GLIS3: variants seen among roughly 807,000 people sequenced by gnomAD.
GLIS3 encodes zinc finger protein GLIS3.
Under a neutral mutation model 78.6 loss-of-function variants are expected in GLIS3, and 53 were observed. The ratio of observed to expected loss-of-function variants is 0.67; its 90% CI spans 0.54 to 0.85. The LOEUF (loss-of-function observed/expected upper bound fraction) is 0.85. GLIS3 is among the 40% of genes least tolerant of loss of function. GLIS3 has a pLI of 0.00. For synonymous variants in GLIS3, 684 were observed against 509.9 expected (o/e 1.34, Z -4.60); for missense variants, 1,703 against 1,231.1 (o/e 1.38, Z -5.74).
chr9:4,261,087 A>G (rs1171038830), intron 2 of GLIS3, among the ~76,000 whole-genome samples: 2 of 152,224 alleles, frequency 1.3e-5, no homozygotes, highest in Non-Finnish European at 2.9e-5. Context: ...AGTACAAGCT[A>G]ATCTTCCTAA....
intron 2 of GLIS3, among the ~76,000 whole-genome samples, chr9:4,132,331 G>T (rs976252132): frequency 6.6e-6 from 1 of 152,124 alleles, no homozygotes; most frequent in Non-Finnish European, 1.5e-5. Context: ...TCAAATTTCT[G>T]AACCTAGAGT....
At chr9:4,397,896 T>C in the GLIS3 span, among the ~76,000 whole-genome samples, 1 of 152,012 alleles carries the variant, frequency 6.6e-6, no homozygotes, top group Non-Finnish European at 1.5e-5. Flanking sequence ...AAACAACTTC[T>C]GAATATCTCT....
At chr9:4,211,858 G>A (rs1368306025) in intron 2 of GLIS3, among the ~76,000 whole-genome samples, 1 of 152,212 alleles carries the variant, frequency 6.6e-6, no homozygotes, top group Non-Finnish European at 1.5e-5. Context: ...ATGAAATACT[G>A]ATACATGCTA....
At chr9:4,334,461 T>G (rs116333668) in intron 2 of GLIS3, among the ~76,000 whole-genome samples, 6 of 152,166 alleles carry the variant, frequency 3.9e-5, no homozygotes, top group Non-Finnish European at 8.8e-5. Flanking sequence ...CCTGAAACAA[T>G]TGTAGTGCAA....
intron 2 of GLIS3, among the ~76,000 whole-genome samples, chr9:4,168,176 C>G (rs1324551264): frequency 6.6e-6 from 1 of 152,060 alleles, no homozygotes; most frequent in African/African-American, 2.4e-5. Flanking sequence ...TTCTCTCTCT[C>G]TTACACACAC....
At chr9:3,964,628 T>A (rs1177439410) in intron 4 of GLIS3, among the ~76,000 whole-genome samples, 1 of 152,204 alleles carries the variant, frequency 6.6e-6, no homozygotes, top group East Asian at 1.9e-4. Context: ...ATTTCTAAAT[T>A]TGCCTGTGTC....
chr9:3,999,239 A>C (rs1264870838), intron 4 of GLIS3, among the ~76,000 whole-genome samples: 1 of 152,154 alleles, frequency 6.6e-6, no homozygotes, highest in Non-Finnish European at 1.5e-5. Context: ...TACAACAAAT[A>C]ACTGATAGTG....
the GLIS3 span, among the ~76,000 whole-genome samples, chr9:4,365,294 G>T: frequency 1.3e-5 from 2 of 152,076 alleles, no homozygotes; most frequent in Admixed American, 6.5e-5. Flanking sequence ...TGGGTGCGGT[G>T]GCTCATGCCT....
At chr9:3,832,193 A>G (rs1478524001) in intron 9 of GLIS3, among the ~76,000 whole-genome samples, 4 of 150,020 alleles carry the variant, frequency 2.7e-5, no homozygotes, top group Non-Finnish European at 5.9e-5. Flanking sequence ...ACAATTTTAT[A>G]ATTAGCATTT....
At chr9:4,227,185 G>A (rs1350336938) in intron 2 of GLIS3, among the ~76,000 whole-genome samples, 1 of 151,656 alleles carries the variant, frequency 6.6e-6, no homozygotes, top group African/African-American at 2.4e-5. Flanking sequence ...AGCACCCCTA[G>A]TTTTCTCTTC....
At chr9:4,303,335 T>TTGCCA (rs1817142757), upstream of GLIS3, among the ~76,000 whole-genome samples, 2 of 151,926 alleles carry the variant, frequency 1.3e-5, no homozygotes, top group Non-Finnish European at 2.9e-5. Context: ...TGGAAAAAGT[T>TTGCCA]AGTGTTTGCC....
intron 4 of GLIS3, among the ~76,000 whole-genome samples, chr9:3,971,838 G>C (rs959620705): frequency 6.6e-6 from 1 of 152,192 alleles, no homozygotes; most frequent in African/African-American, 2.4e-5. Flanking sequence ...GAGTTGGAAA[G>C]AAAGGAGTTG....
the GLIS3 span, among the ~76,000 whole-genome samples, chr9:4,419,210 C>G: frequency 6.6e-6 from 1 of 152,196 alleles, no homozygotes. Context: ...GGGAGAAAGA[C>G]TCCACTAGGT....
chr9:4,078,228 A>G (rs541808581), intron 4 of GLIS3, among the ~76,000 whole-genome samples: 1 of 152,280 alleles, frequency 6.6e-6, no homozygotes, highest in South Asian at 2.1e-4. Context: ...TGCAAATATA[A>G]TATTATGTCA....
chr9:4,353,877 G>C, the GLIS3 span, among the ~76,000 whole-genome samples: 2 of 152,276 alleles, frequency 1.3e-5, no homozygotes, highest in East Asian at 1.9e-4. Flanking sequence ...GCCCAGGATG[G>C]AGTGCAGTGG....
At chr9:4,417,107 C>G in the GLIS3 span, among the ~76,000 whole-genome samples, 1 of 152,164 alleles carries the variant, frequency 6.6e-6, no homozygotes, top group African/African-American at 2.4e-5. Context: ...CAATTATACA[C>G]TTTTCCGTCT....
intron 6 of GLIS3, 63 bp downstream of exon 6, chr9:3,932,297 C>T (rs1290888841): frequency 1.7e-5 from 22 of 1,269,130 alleles, no homozygotes; most frequent in Non-Finnish European, 2.4e-5. Context: ...GCAGAAGCTT[C>T]GTGTACTACA....
intron 8 of GLIS3, among the ~76,000 whole-genome samples, chr9:3,874,758 G>T (rs758740289): frequency 2.0e-5 from 3 of 152,188 alleles, no homozygotes; most frequent in Non-Finnish European, 4.4e-5. Context: ...TCACAGAAAC[G>T]TTTTGTGTTG....
At chr9:4,358,088 C>A in the GLIS3 span, among the ~76,000 whole-genome samples, 2,926 of 152,078 alleles carry the variant, frequency 0.019, 96 homozygotes, top group African/African-American at 0.066. Context: ...ACAGTGTGTA[C>A]AGTATGTTCC....
Sources: allele counts gnomAD v4.1 joint callset (sites outside exome capture counted in the v4.1 genomes callset), GRCh38; gene constraint gnomAD v4.1.1; transcripts MANE v1.5; gene names NCBI Gene and HGNC (gene_info 2026-07-23, HGNC 2026-07-21).